CRPPA: variants seen among roughly 807,000 people sequenced by gnomAD.
The protein encoded by CRPPA is CDP-L-ribitol pyrophosphorylase A.
Under a neutral mutation model 52.0 loss-of-function variants are expected in CRPPA, and 43 were observed. That is an observed-to-expected ratio of 0.83 (90% CI 0.65 to 1.07). The LOEUF is 1.07. Among genes scored for constraint, CRPPA ranks in the 50% least tolerant of loss-of-function variants. The pLI is 0.00. For missense variants in CRPPA, 629 were observed against 551.7 expected, an observed-to-expected ratio of 1.14 and a Z score of -1.40; for synonymous variants, 250 against 203.5, an observed-to-expected ratio of 1.23 and a Z score of -1.94.
chr7:16,355,393 C>T (rs1786269278), intron 3 of CRPPA, among the ~76,000 whole-genome samples: 1 of 152,190 alleles, frequency 6.6e-6, no homozygotes, highest in Non-Finnish European at 1.5e-5. Context: ...GTCTTCACCG[C>T]TACAACTCAT....
chr7:16,334,354 T>A (rs1785628088), intron 3 of CRPPA, among the ~76,000 whole-genome samples: 1 of 152,068 alleles, frequency 6.6e-6, no homozygotes, highest in African/African-American at 2.4e-5. Context: ...TCCTCCAAGG[T>A]AGGAGGTACC....
chr7:16,312,660 G>C (rs758488568), intron 3 of CRPPA, among the ~76,000 whole-genome samples: 1 of 151,932 alleles, frequency 6.6e-6, no homozygotes, highest in African/African-American at 2.4e-5. Context: ...TCCTTGCCTT[G>C]TTCTTGACCT....
At chr7:16,151,923 C>T (rs960219104) in intron 9 of CRPPA, among the ~76,000 whole-genome samples, 3 of 151,840 alleles carry the variant, frequency 2.0e-5, no homozygotes, top group African/African-American at 7.2e-5. Flanking sequence ...TGACTGAAAA[C>T]ATAGTGAGCA....
intron 9 of CRPPA, among the ~76,000 whole-genome samples, chr7:16,159,559 T>C (rs1351465261): frequency 6.6e-6 from 1 of 152,214 alleles, no homozygotes; most frequent in Non-Finnish European, 1.5e-5. Flanking sequence ...TATGGCTACA[T>C]AGTATTCCAT....
chr7:16,274,394 A>G (rs1380401258), intron 6 of CRPPA, among the ~76,000 whole-genome samples: 2 of 152,144 alleles, frequency 1.3e-5, no homozygotes, highest in Non-Finnish European at 2.9e-5. Context: ...TTTGTGTGGC[A>G]TAACAGGTTT....
At chr7:16,396,466 G>A (rs1444978734) in intron 2 of CRPPA, among the ~76,000 whole-genome samples, 2 of 152,174 alleles carry the variant, frequency 1.3e-5, no homozygotes, top group East Asian at 3.8e-4. Context: ...CTACACTGCT[G>A]GTGAGAATAT....
intron 9 of CRPPA, among the ~76,000 whole-genome samples, chr7:16,150,249 T>A (rs551470789): frequency 6.6e-6 from 1 of 152,306 alleles, no homozygotes; most frequent in South Asian, 2.1e-4. Flanking sequence ...ATAGGATTTA[T>A]TAGTTTTATT....
At position 16,089,499 on chromosome 7, in the gene CRPPA, GT is replaced by G; in HGVS notation, c.*2195del. 1 of 263,152 alleles carries G rather than the reference GT, an allele frequency of 3.8e-6. No homozygotes were observed. Among genetic ancestry groups the G allele is most frequent in the African/African-American group, 2.7e-5 (1 of 36,404 alleles). 16.3% of individuals were successfully genotyped at this position (263,152 alleles called of 1,614,324 possible). A position where few individuals can be genotyped will look rare whatever the true frequency, so the allele number is the denominator to read the frequency against. ...TACATATATACGGGTATATATGTAC[GT>G]ACATACATAGATATGGGTATATATG... On this transcript the variant is annotated 3_prime_UTR_variant, in exon 10 of 10. Coordinates refer to ENST00000407010, the MANE Select transcript of CRPPA (RefSeq NM_001101426.4).
At chr7:16,218,870 T>A (rs1379613093) in intron 8 of CRPPA, among the ~76,000 whole-genome samples, 3 of 150,532 alleles carry the variant, frequency 2.0e-5, no homozygotes, top group Non-Finnish European at 4.4e-5. Flanking sequence ...ACTGTCAACA[T>A]TAGACAGATC....
chr7:16,256,638 T>C (rs1040363050), intron 8 of CRPPA, among the ~76,000 whole-genome samples: 2 of 151,986 alleles, frequency 1.3e-5, no homozygotes, highest in African/African-American at 4.8e-5. Flanking sequence ...CTAGAAACCA[T>C]CATTCTCAGC....
chr7:16,252,372 T>C (rs192209593), intron 8 of CRPPA, among the ~76,000 whole-genome samples: 1 of 152,258 alleles, frequency 6.6e-6, no homozygotes, highest in Admixed American at 6.5e-5. Flanking sequence ...CTAAAAACTC[T>C]CAATAAACTA....
At chr7:16,302,724 C>T (rs905997117) in intron 4 of CRPPA, among the ~76,000 whole-genome samples, 5 of 152,134 alleles carry the variant, frequency 3.3e-5, no homozygotes, top group African/African-American at 1.2e-4. Context: ...TGGAATTTCA[C>T]CCACACAGAA....
chr7:16,324,703 A>G (rs554480564), intron 3 of CRPPA, among the ~76,000 whole-genome samples: 5 of 152,254 alleles, frequency 3.3e-5, no homozygotes, highest in Non-Finnish European at 7.3e-5. Flanking sequence ...TTATCTGCTC[A>G]TGACATAACA....
intron 8 of CRPPA, among the ~76,000 whole-genome samples, chr7:16,237,101 T>A (rs1027904824): frequency 6.6e-6 from 1 of 152,174 alleles, no homozygotes; most frequent in Non-Finnish European, 1.5e-5. Flanking sequence ...CTTACTATCA[T>A]TCGCCAAGTT....
At chr7:16,120,387 G>A (rs1427670164) in intron 9 of CRPPA, among the ~76,000 whole-genome samples, 1 of 152,110 alleles carries the variant, frequency 6.6e-6, no homozygotes, top group Non-Finnish European at 1.5e-5. Context: ...CATCAAGTGA[G>A]TTTAACCAGA....
Position 16,248,617 on chromosome 7 carries a change from A to T in CRPPA, c.1119+9773T>A, listed in dbSNP as rs140848710. On this transcript the variant is annotated intron_variant, in intron 8 of 9. Transcript: ENST00000407010. ...CAACTCAAGATGGCTGAATAGGAAC[A>T]GCTCCCGTCTGCAGCTCCCAGCAAG... 2.6e-5 allele frequency among the ~76,000 whole-genome samples: 4 copies of T among 152,300 alleles called. No individual in the cohort carries two copies. In the East Asian group the frequency reaches 7.7e-4, roughly 29 times the overall value.
chr7:16,170,422 G>A (rs143124462), intron 9 of CRPPA, among the ~76,000 whole-genome samples: 6 of 152,160 alleles, frequency 3.9e-5, no homozygotes, highest in African/African-American at 7.2e-5. Context: ...TCTGATGTTC[G>A]GAGTTTCTTC....
chr7:16,199,782 T>G (rs1781808750), intron 9 of CRPPA, among the ~76,000 whole-genome samples: 1 of 151,902 alleles, frequency 6.6e-6, no homozygotes, highest in Admixed American at 6.6e-5. Flanking sequence ...GTGACTAACA[T>G]GGACTGAAAA....
chr7:16,173,980 C>G (rs1476105933), intron 9 of CRPPA, among the ~76,000 whole-genome samples: 2 of 152,102 alleles, frequency 1.3e-5, no homozygotes, highest in Non-Finnish European at 2.9e-5. Flanking sequence ...AAAAATTGGA[C>G]ACCTGATGGG....
Sources: allele counts gnomAD v4.1 joint callset (sites outside exome capture counted in the v4.1 genomes callset), GRCh38; gene constraint gnomAD v4.1.1; transcripts MANE v1.5; gene names NCBI Gene and HGNC (gene_info 2026-07-23, HGNC 2026-07-21).